CDH13: variants seen among roughly 807,000 people sequenced by gnomAD.
The protein encoded by CDH13 is cadherin-13.
Under a neutral mutation model 63.8 loss-of-function variants are expected in CDH13, and 24 were observed. The ratio of observed to expected loss-of-function variants is 0.38; its 90% CI spans 0.27 to 0.53. The LOEUF is 0.53. CDH13 is among the 20% of genes least tolerant of loss of function. CDH13 has a pLI of 0.85. For missense variants in CDH13, 1,049 were observed against 903.1 expected, an observed-to-expected ratio of 1.16 and a Z score of -2.07; for synonymous variants, 503 against 355.3, an observed-to-expected ratio of 1.42 and a Z score of -4.67.
At chr16:82,872,672 C>CAAA (rs1324091918) in intron 2 of CDH13, among the ~76,000 whole-genome samples, 1 of 152,094 alleles carries the variant, frequency 6.6e-6, no homozygotes, top group Admixed American at 6.6e-5. Flanking sequence ...GGCTTGAGAG[C>CAAA]AAAAGGGCAA....
At chr16:83,443,922 AAACCGTTTCT>A (rs2072579633) in intron 6 of CDH13, among the ~76,000 whole-genome samples, 1 of 145,944 alleles carries the variant, frequency 6.9e-6, no homozygotes, top group South Asian at 2.1e-4. Flanking sequence ...GCAACAGAGG[AAACCGTTTCT>A]AAAAAAAAAA....
In CDH13 at chr16:83,799,924, C is replaced by T. The variant is rs1488610172; in HGVS notation, c.*4894C>T. On this transcript the variant is annotated 3_prime_UTR_variant, in exon 14 of 14. Coordinates refer to ENST00000567109, the MANE Select transcript of CDH13 (RefSeq NM_001257.5). ...GGAATGGGTGTGTGTATGAGGGTTT[C>T]AGATAAGAACTTCAATTATATAATT... 3 of 150,476 alleles carry T rather than the reference C, an allele frequency of 2.0e-5. No individual in the cohort carries two copies. The highest frequency in any genetic ancestry group is 1.3e-4 in the Admixed American group (2 of 14,968). 9.3% of individuals were successfully genotyped at this position (150,476 alleles called of 1,614,324 possible). A position where few individuals can be genotyped will look rare whatever the true frequency, so the allele number is the denominator to read the frequency against.
chr16:83,318,030 G>A (rs888408717), intron 5 of CDH13, among the ~76,000 whole-genome samples: 1 of 152,186 alleles, frequency 6.6e-6, no homozygotes, highest in African/African-American at 2.4e-5. Context: ...ACTGGAGGAA[G>A]CTGTAGTCAG....
At chr16:83,185,672 C>T (rs1043076882) in intron 4 of CDH13, among the ~76,000 whole-genome samples, 1 of 152,168 alleles carries the variant, frequency 6.6e-6, no homozygotes, top group Non-Finnish European at 1.5e-5. Flanking sequence ...ACCTGTTGGT[C>T]CAATTCATTT....
chr16:83,428,921 T>G (rs1277513298), intron 6 of CDH13, among the ~76,000 whole-genome samples: 1 of 152,232 alleles, frequency 6.6e-6, no homozygotes, highest in East Asian at 1.9e-4. Flanking sequence ...TCCATTACAT[T>G]TATCTTTAAT....
rs1192175988 is a variant in CDH13 at position 83,783,380 on chromosome 16, C to G, written c.2042C>G (p.Ser681Cys). 1 of 1,613,868 alleles carries G rather than the reference C, an allele frequency of 6.2e-7. No individual in the cohort carries two copies. Among genetic ancestry groups the G allele is most frequent in the Non-Finnish European group, 8.5e-7 (1 of 1,179,892 alleles). ...ACAGATCTCAGGGTACAAGTGTGCT[C>G]CTGCAGGAATTCCAAAGTGGACTGC... Reference protein sequence around the residue: ...NITDLRVQVCSCRNSKVDCNA... With the variant: ...NITDLRVQVCCCRNSKVDCNA... Residue 681 changes from serine to cysteine, a missense_variant, in exon 13 of 14, where the codon TCC (serine) becomes TGC (cysteine). Transcript: ENST00000567109.
chr16:83,607,794 G>C (rs1450659713), intron 8 of CDH13, among the ~76,000 whole-genome samples: 1 of 152,024 alleles, frequency 6.6e-6, no homozygotes, highest in East Asian at 1.9e-4. Flanking sequence ...TCTTACATAA[G>C]GTATTTTGAA....
intron 10 of CDH13, among the ~76,000 whole-genome samples, chr16:83,732,109 C>G (rs535598224): frequency 1.3e-5 from 2 of 152,236 alleles, no homozygotes; most frequent in African/African-American, 4.8e-5. Flanking sequence ...TAGCAGTGAA[C>G]AAGACAGTGT....
chr16:82,729,207 C>T (rs2033266035), intron 1 of CDH13, among the ~76,000 whole-genome samples: 1 of 152,174 alleles, frequency 6.6e-6, no homozygotes, highest in Non-Finnish European at 1.5e-5. Flanking sequence ...TTCCATGAAT[C>T]ATGAATATTT....
intron 2 of CDH13, among the ~76,000 whole-genome samples, chr16:82,945,630 C>T (rs1904627451): frequency 6.6e-6 from 1 of 152,134 alleles, no homozygotes; most frequent in African/African-American, 2.4e-5. Flanking sequence ...CACCCCTTCT[C>T]ATTTGCTGTG....
At chr16:83,058,882 G>T (rs556639223) in intron 3 of CDH13, among the ~76,000 whole-genome samples, 1 of 152,202 alleles carries the variant, frequency 6.6e-6, no homozygotes, top group East Asian at 1.9e-4. Flanking sequence ...GCTTTGCAAG[G>T]ATATTTTCTT....
chr16:83,582,133 A>T (rs1325993491), intron 7 of CDH13, among the ~76,000 whole-genome samples: 2 of 152,162 alleles, frequency 1.3e-5, no homozygotes, highest in Non-Finnish European at 2.9e-5. Context: ...GTAAGGGAAA[A>T]AGAGTAGCAG....
At chr16:83,195,222 A>T (rs2038844923) in intron 4 of CDH13, among the ~76,000 whole-genome samples, 1 of 152,224 alleles carries the variant, frequency 6.6e-6, no homozygotes, top group Non-Finnish European at 1.5e-5. Flanking sequence ...TCTGTCTTAA[A>T]TATTGCATAG....
At chr16:83,013,811 A>C (rs1032066365) in intron 2 of CDH13, among the ~76,000 whole-genome samples, 1 of 152,142 alleles carries the variant, frequency 6.6e-6, no homozygotes, top group African/African-American at 2.4e-5. Context: ...CGGTCTCTGC[A>C]AGAATGGAGG....
chr16:83,156,267 T>C (rs1157186464), intron 4 of CDH13, among the ~76,000 whole-genome samples: 1 of 152,226 alleles, frequency 6.6e-6, no homozygotes, highest in Non-Finnish European at 1.5e-5. Flanking sequence ...TCTCTCTTTG[T>C]TAAGGGCCAC....
chr16:82,997,071 G>A (rs1158762916), intron 2 of CDH13, among the ~76,000 whole-genome samples: 7 of 150,880 alleles, frequency 4.6e-5, no homozygotes, highest in African/African-American at 1.7e-4. Context: ...GGTGATGGTG[G>A]TGATGGTAAT....
At chr16:82,933,707 A>G (rs796436925) in intron 2 of CDH13, among the ~76,000 whole-genome samples, 12 of 152,328 alleles carry the variant, frequency 7.9e-5, no homozygotes, top group African/African-American at 2.9e-4. Flanking sequence ...TACAATGGAG[A>G]TACAGGCATT....
chr16:83,358,205 G>A (rs762003738), intron 6 of CDH13, among the ~76,000 whole-genome samples: 5 of 152,104 alleles, frequency 3.3e-5, no homozygotes, highest in Non-Finnish European at 7.4e-5. Context: ...AGGAAGTACT[G>A]ACCAACAAGC....
At chr16:82,962,770 C>T (rs755191896) in intron 2 of CDH13, among the ~76,000 whole-genome samples, 1 of 152,152 alleles carries the variant, frequency 6.6e-6, no homozygotes, top group Non-Finnish European at 1.5e-5. Flanking sequence ...CTCAAGGTGT[C>T]AGTATCTTGT....
Sources: allele counts gnomAD v4.1 joint callset (sites outside exome capture counted in the v4.1 genomes callset), GRCh38; gene constraint gnomAD v4.1.1; transcripts MANE v1.5; gene names NCBI Gene and HGNC (gene_info 2026-07-23, HGNC 2026-07-21).